Variants in NALCN observed in about 807,000 individuals in gnomAD.
NALCN encodes the protein sodium leak channel NALCN.
NALCN carries 111 observed loss-of-function variants against 225.3 expected under a neutral mutation model. The ratio of observed to expected loss-of-function variants is 0.49; its 90% confidence interval spans 0.42 to 0.58. The LOEUF is 0.58. Among genes scored for constraint, NALCN ranks in the 20% least tolerant of loss-of-function variants. The pLI is 0.00. For synonymous variants in NALCN, 764 were observed against 769.0 expected (o/e 0.99, Z 0.11); for missense variants, 1,378 against 2,202.4 (o/e 0.63, Z 7.49).
At chr13:101,372,380 A>G (rs571068553) in intron 6 of NALCN, among the ~76,000 whole-genome samples, 2 of 152,256 alleles carry the variant, frequency 1.3e-5, no homozygotes, top group South Asian at 4.1e-4. Context: ...TATACTCAAA[A>G]ACTGCAGATT....
At chr13:101,246,443 A>G (rs138858340) in intron 11 of NALCN, among the ~76,000 whole-genome samples, 1 of 152,338 alleles carries the variant, frequency 6.6e-6, no homozygotes, top group African/African-American at 2.4e-5. Flanking sequence ...TGAAATTCAG[A>G]TTCAATAACA....
At chr13:101,275,020 T>A (rs545391143) in intron 10 of NALCN, among the ~76,000 whole-genome samples, 1 of 152,264 alleles carries the variant, frequency 6.6e-6, no homozygotes, top group African/African-American at 2.4e-5. Flanking sequence ...CGACTTTGGG[T>A]TTGCTCTGCA....
At chr13:101,360,189 C>CTCTCT (rs2046204054) in intron 6 of NALCN, among the ~76,000 whole-genome samples, 10 of 89,240 alleles carry the variant, frequency 1.1e-4, no homozygotes, top group South Asian at 5.2e-4. Context: ...TTCCTCTCTT[C>CTCTCT]CTCTCTCTCT....
In NALCN at chr13:101,201,196, G is replaced by A. The variant is rs147914491; in HGVS notation, c.1627-9142C>T. 3.9e-3 allele frequency among the ~76,000 whole-genome samples: 591 copies of A among 152,210 alleles called. 5 individuals are homozygous for A. Among genetic ancestry groups the A allele is most frequent in the Non-Finnish European group, 7.2e-3 (489 of 68,002 alleles). On this transcript the variant is annotated intron_variant, in intron 13 of 43. Coordinates refer to ENST00000251127, the MANE Select transcript of NALCN (RefSeq NM_052867.4). ...GAAATAGGTTTTTGAGATACAATTTGCATACCATAAAGTTCACCTTTTAAA... is the reference window on the plus strand; with the variant it reads ...GAAATAGGTTTTTGAGATACAATTTACATACCATAAAGTTCACCTTTTAAA...
At chr13:101,322,873 T>C (rs486162) in intron 7 of NALCN, among the ~76,000 whole-genome samples, 61,937 of 151,554 alleles carry the variant, frequency 0.41, 12,985 homozygotes, top group Middle Eastern at 0.47. Context: ...CCACCATGCC[T>C]GGCTAATTTT....
chr13:101,354,172 A>G (rs2045983651), intron 6 of NALCN, among the ~76,000 whole-genome samples: 1 of 152,102 alleles, frequency 6.6e-6, no homozygotes, highest in Admixed American at 6.6e-5. Context: ...AGTAAAACCC[A>G]TCTCTACTAA....
At chr13:101,062,246 C>T (rs1295721398) in intron 40 of NALCN, 128 bp from the exon 41 acceptor site, 11 of 1,035,490 alleles carry the variant, frequency 1.1e-5, no homozygotes, top group Non-Finnish European at 1.5e-5. Context: ...CACCCCTCGC[C>T]ACCCGCATGT....
chr13:101,378,676 A>C (rs2046761472), intron 3 of NALCN, 23 bp from the exon 4 acceptor site: 1 of 1,572,514 alleles, frequency 6.4e-7, no homozygotes, highest in Non-Finnish European at 8.7e-7. Context: ...TTTACATGGC[A>C]TTATTAGGCA....
chr13:101,342,552 C>T (rs1317773760), intron 7 of NALCN, among the ~76,000 whole-genome samples: 1 of 152,164 alleles, frequency 6.6e-6, no homozygotes, highest in Non-Finnish European at 1.5e-5. Context: ...AGTTGTGTTC[C>T]TCCAGGAACA....
intron 7 of NALCN, among the ~76,000 whole-genome samples, chr13:101,308,868 T>A (rs1594647969): frequency 6.6e-6 from 1 of 152,168 alleles, no homozygotes; most frequent in Non-Finnish European, 1.5e-5. Context: ...CCTAAGTTAC[T>A]GGCATACCAA....
chr13:101,122,632 T>C (rs2036032887), intron 18 of NALCN, among the ~76,000 whole-genome samples: 2 of 152,264 alleles, frequency 1.3e-5, no homozygotes, highest in Non-Finnish European at 2.9e-5. Flanking sequence ...ATTGTGTTTG[T>C]GCTTGAAAAT....
At chr13:101,381,655 T>C (rs1355384424) in intron 3 of NALCN, among the ~76,000 whole-genome samples, 1 of 152,030 alleles carries the variant, frequency 6.6e-6, no homozygotes, top group South Asian at 2.1e-4. Flanking sequence ...CCCTTTAACC[T>C]AGGCAGTGTT....
At chr13:101,102,460 A>C (rs926966867) in intron 26 of NALCN, among the ~76,000 whole-genome samples, 1 of 152,192 alleles carries the variant, frequency 6.6e-6, no homozygotes, top group Non-Finnish European at 1.5e-5. Flanking sequence ...CTCATGCACA[A>C]GCAGACCTCA....
chr13:101,053,874 G>A lies in NALCN; in HGVS notation c.*1421C>T, dbSNP rs2030871000. 6.6e-6 allele frequency: 1 copy of A among 152,028 alleles called. No homozygotes were observed. The highest frequency in any genetic ancestry group is 2.1e-4 in the South Asian group (1 of 4,832). 9.4% of individuals were successfully genotyped at this position (152,028 alleles called of 1,614,324 possible). A position where few individuals can be genotyped will look rare whatever the true frequency, so the allele number is the denominator to read the frequency against. ...TCTAATCCTTTTGGCCACATGACTG[G>A]TTGTTCTTTATCTCATAGTTACAAT... On this transcript the variant is annotated 3_prime_UTR_variant, in exon 44 of 44. Transcript: ENST00000251127.
chr13:101,197,858 A>G (rs1342952195), intron 13 of NALCN, among the ~76,000 whole-genome samples: 3 of 152,216 alleles, frequency 2.0e-5, no homozygotes, highest in African/African-American at 7.2e-5. Flanking sequence ...GGACAACAAA[A>G]GGGAAATTAC....
At chr13:101,295,659 A>T (rs1045568709) in intron 7 of NALCN, among the ~76,000 whole-genome samples, 1 of 152,200 alleles carries the variant, frequency 6.6e-6, no homozygotes, top group Admixed American at 6.5e-5. Flanking sequence ...GTTTGTTGAC[A>T]CAAAGAGGTG....
chr13:101,187,689 C>G (rs764794844), intron 14 of NALCN, among the ~76,000 whole-genome samples: 4 of 152,172 alleles, frequency 2.6e-5, no homozygotes, highest in Non-Finnish European at 5.9e-5. Flanking sequence ...CCAGTGTTCA[C>G]TCATAAGATT....
intron 2 of NALCN, among the ~76,000 whole-genome samples, chr13:101,398,759 C>A (rs934107832): frequency 6.6e-6 from 1 of 152,122 alleles, no homozygotes; most frequent in South Asian, 2.1e-4. Context: ...ATCATCTCTA[C>A]ACCATGTGAC....
intron 7 of NALCN, among the ~76,000 whole-genome samples, chr13:101,328,676 G>A (rs1178524538): frequency 3.9e-5 from 6 of 152,036 alleles, no homozygotes; most frequent in Admixed American, 2.0e-4. Context: ...ATCTAGTAAA[G>A]ATAATTATAA....
Sources: allele counts gnomAD v4.1 joint callset (sites outside exome capture counted in the v4.1 genomes callset), GRCh38; gene constraint gnomAD v4.1.1; transcripts MANE v1.5; gene names NCBI Gene and HGNC (gene_info 2026-07-23, HGNC 2026-07-21).